Variants in FAM178B observed in about 807,000 individuals in gnomAD.
FAM178B encodes the protein protein FAM178B.
In FAM178B, 82 loss-of-function variants were observed where a neutral mutation model predicts 91.7. The observed-to-expected ratio is 0.89, with a 90% CI of 0.75 to 1.07. FAM178B has a LOEUF of 1.07. Among genes scored for constraint, FAM178B ranks in the 50% least tolerant of loss-of-function variants. The pLI, the probability that FAM178B is intolerant of heterozygous loss-of-function variation, is 0.00. For synonymous variants in FAM178B, 368 were observed against 359.4 expected, an observed-to-expected ratio of 1.02 and a Z score of -0.27; for missense variants, 769 against 846.7, an observed-to-expected ratio of 0.91 and a Z score of 1.14.
chr2:96,935,380 G>A (rs964903821), intron 8 of FAM178B, among the ~76,000 whole-genome samples: 1 of 152,114 alleles, frequency 6.6e-6, no homozygotes. Context: ...GGTCCAGCAC[G>A]GCTGGTAGAG....
At chr2:96,961,554 A>T (rs1195316480) in intron 5 of FAM178B, among the ~76,000 whole-genome samples, 1 of 152,176 alleles carries the variant, frequency 6.6e-6, no homozygotes, top group East Asian at 1.9e-4. Context: ...AAATTTAACA[A>T]CAGGAACAAT....
intron 3 of FAM178B, among the ~76,000 whole-genome samples, chr2:96,971,588 C>A (rs974541231): frequency 5.9e-5 from 9 of 152,168 alleles, no homozygotes; most frequent in African/African-American, 2.2e-4. Flanking sequence ...CCTCCTTGCT[C>A]CGGGGCCATA....
intron 8 of FAM178B, among the ~76,000 whole-genome samples, chr2:96,930,372 C>T (rs749076332): frequency 1.3e-5 from 2 of 152,052 alleles, no homozygotes; most frequent in Admixed American, 6.5e-5. Flanking sequence ...TGGGTCCAGA[C>T]GTCTTCTCCA....
At chr2:96,970,349 T>A (rs559886550) in intron 4 of FAM178B, among the ~76,000 whole-genome samples, 1 of 152,212 alleles carries the variant, frequency 6.6e-6, no homozygotes, top group African/African-American at 2.4e-5. Flanking sequence ...CTGCCCAGCA[T>A]GACCCTCCAG....
Position 96,894,058 on chromosome 2 carries a change from A to G in FAM178B, c.1651-7T>C, listed in dbSNP as rs921834286. Reference sequence around the variant, plus strand: ...GCCGGCTGAGCGAGGACAGCTGGGGAGGAGAAGGGAGGCTGTCACTCACAG... The same window carrying G: ...GCCGGCTGAGCGAGGACAGCTGGGGGGGAGAAGGGAGGCTGTCACTCACAG... On this transcript the variant is annotated splice_polypyrimidine_tract_variant and splice_region_variant and intron_variant, in intron 13 of 16. Transcript: ENST00000490605. The G allele has an allele frequency of 1.9e-6, 3 of 1,600,844 alleles. No homozygotes were observed. In the Admixed American group the frequency reaches 5.1e-5, roughly 27 times the overall value.
intron 12 of FAM178B, among the ~76,000 whole-genome samples, chr2:96,916,682 C>T (rs2153370462): frequency 6.6e-6 from 1 of 152,300 alleles, no homozygotes; most frequent in African/African-American, 2.4e-5. Context: ...AGGTGGTCTG[C>T]CTTAGTATTC....
In FAM178B at chr2:96,907,261, G is replaced by A. The variant is rs375836909; in HGVS notation, c.1563-4554C>T. Among the ~76,000 whole-genome samples the A allele has an allele frequency of 1.8e-4, 27 of 152,248 alleles. No individual in the cohort carries two copies. In the East Asian group the frequency reaches 2.9e-3, roughly 16 times the overall value. ...ACACAGCAAGGAGGGGGCAGGGGGC[G>A]GGGCGAGACCATTTTTTTATTTTAC... On this transcript the variant is annotated intron_variant, in intron 12 of 16. Coordinates refer to ENST00000490605, the MANE Select transcript of FAM178B (RefSeq NM_001122646.3).
chr2:96,910,310 G>A (rs1010656599), intron 12 of FAM178B, among the ~76,000 whole-genome samples: 4 of 152,052 alleles, frequency 2.6e-5, no homozygotes, highest in African/African-American at 9.7e-5. Flanking sequence ...TCTCCCAGGA[G>A]CAGTGAGACG....
intron 8 of FAM178B, among the ~76,000 whole-genome samples, chr2:96,940,060 C>T (rs540623964): frequency 2.6e-5 from 4 of 152,314 alleles, no homozygotes; most frequent in Admixed American, 6.5e-5. Flanking sequence ...CTGGGGTCTC[C>T]TGGGTGGTCC....
rs1235559841 is a variant in FAM178B at position 96,928,676 on chromosome 2, G to C, written c.1193+530C>G. ...CCAGAGAGTGGGGGCAGCGGGGGCT[G>C]AGTCAGGAAGTGCCAAAAACAGGCT... On this transcript the variant is annotated intron_variant, in intron 9 of 16. Coordinates refer to ENST00000490605, the MANE Select transcript of FAM178B (RefSeq NM_001122646.3). Among the ~76,000 whole-genome samples the C allele has an allele frequency of 5.3e-5, 8 of 152,338 alleles. No individual in the cohort carries two copies. In the East Asian group the frequency reaches 1.5e-3, roughly 29 times the overall value.
At chr2:96,911,447 A>C (rs996539771) in intron 12 of FAM178B, among the ~76,000 whole-genome samples, 3 of 152,216 alleles carry the variant, frequency 2.0e-5, no homozygotes, top group Non-Finnish European at 4.4e-5. Context: ...ACGCGGCAAA[A>C]GCGTGGAAGC....
chr2:96,970,322 A>G (rs2082200199), intron 4 of FAM178B, among the ~76,000 whole-genome samples: 1 of 152,164 alleles, frequency 6.6e-6, no homozygotes, highest in Non-Finnish European at 1.5e-5. Flanking sequence ...AGCGGCAGAA[A>G]TGTTAGGAAG....
chr2:96,891,496 G>A (rs1465004061), intron 14 of FAM178B, among the ~76,000 whole-genome samples: 1 of 152,222 alleles, frequency 6.6e-6, no homozygotes, highest in Non-Finnish European at 1.5e-5. Flanking sequence ...TTCAGAGAAG[G>A]ACAAAGGAAT....
At chr2:96,879,381 C>T (rs1384056895) in intron 14 of FAM178B, among the ~76,000 whole-genome samples, 2 of 152,192 alleles carry the variant, frequency 1.3e-5, no homozygotes, top group African/African-American at 2.4e-5. Context: ...AGCTCAGAAC[C>T]AGCCCACGGC....
At chr2:96,928,349 C>A (rs910809533) in intron 9 of FAM178B, among the ~76,000 whole-genome samples, 3 of 152,170 alleles carry the variant, frequency 2.0e-5, no homozygotes, top group Non-Finnish European at 4.4e-5. Context: ...ATATATAACA[C>A]TTTTACGACC....
At chr2:96,977,866 G>A (rs1453406685) in intron 1 of FAM178B, 1 of 447,892 alleles carries the variant, frequency 2.2e-6, no homozygotes, top group Non-Finnish European at 4.4e-6. Context: ...TCCAGTTTTG[G>A]CTGCTTCTCA....
At chr2:96,963,382 C>T (rs1223827532) in intron 5 of FAM178B, among the ~76,000 whole-genome samples, 3 of 152,202 alleles carry the variant, frequency 2.0e-5, no homozygotes, top group African/African-American at 4.8e-5. Flanking sequence ...GTGCTCTTGC[C>T]GAGGAAGGCC....
chr2:96,929,503 G>A (rs2081504972), intron 8 of FAM178B, among the ~76,000 whole-genome samples, 183 bp from the exon 9 acceptor site: 1 of 152,218 alleles, frequency 6.6e-6, no homozygotes, highest in Non-Finnish European at 1.5e-5. Flanking sequence ...CTGGGGCTTT[G>A]TGAATTTCAA....
intron 5 of FAM178B, among the ~76,000 whole-genome samples, chr2:96,961,393 G>A (rs557142864): frequency 4.6e-5 from 7 of 151,940 alleles, no homozygotes; most frequent in African/African-American, 1.7e-4. Flanking sequence ...GCTCAGACAC[G>A]TGCAACGCCC....
Sources: gnomAD v4.1 joint callset for allele counts (sites outside exome capture counted in the v4.1 genomes callset) on GRCh38, gnomAD v4.1.1 for gene constraint, MANE v1.5 for transcripts, NCBI Gene and HGNC (gene_info 2026-07-23, HGNC 2026-07-21) for gene names.